PSMB7: variants seen among roughly 807,000 people sequenced by gnomAD.
PSMB7 encodes the protein proteasome subunit beta type-7.
A neutral mutation model predicts 28.1 loss-of-function variants in PSMB7; 5 were observed. That is an observed-to-expected ratio of 0.18 (90% CI 0.09 to 0.37). PSMB7 has a LOEUF of 0.37. Among genes scored for constraint, PSMB7 ranks in the 10% least tolerant of loss-of-function variants. The pLI is 1.00. For synonymous variants in PSMB7, 122 were observed against 123.7 expected, an observed-to-expected ratio of 0.99 and a Z score of 0.09; for missense variants, 275 against 346.2, an observed-to-expected ratio of 0.79 and a Z score of 1.63.
chr9:124,373,576 T>C (rs932552153), intron 6 of PSMB7, among the ~76,000 whole-genome samples: 3 of 152,184 alleles, frequency 2.0e-5, no homozygotes, highest in African/African-American at 7.2e-5. Flanking sequence ...ATCCAGTGTA[T>C]AAAGGAAGCA....
chr9:124,374,517 T>C (rs1830590339), intron 6 of PSMB7, among the ~76,000 whole-genome samples: 1 of 152,210 alleles, frequency 6.6e-6, no homozygotes, highest in Non-Finnish European at 1.5e-5. Flanking sequence ...ACTCACACTT[T>C]AATATTAATT....
At chr9:124,354,095 G>T (rs1297968459) in intron 7 of PSMB7, among the ~76,000 whole-genome samples, 1 of 152,200 alleles carries the variant, frequency 6.6e-6, no homozygotes, top group Non-Finnish European at 1.5e-5. Context: ...GGGCATGATT[G>T]CTCTTCCGTG....
chr9:124,362,609 G>A (rs1374784507), intron 6 of PSMB7, among the ~76,000 whole-genome samples: 1 of 152,092 alleles, frequency 6.6e-6, no homozygotes, highest in Non-Finnish European at 1.5e-5. Flanking sequence ...CTGGCCAAAG[G>A]ATACAACATC....
At chr9:124,414,361 GC>G (rs1046490755) in intron 2 of PSMB7, among the ~76,000 whole-genome samples, 6 of 152,134 alleles carry the variant, frequency 3.9e-5, no homozygotes, top group African/African-American at 1.2e-4. Flanking sequence ...AAAACATGTT[GC>G]TTTTCTTTAA....
At chr9:124,376,129 T>C (rs1164366366) in intron 6 of PSMB7, among the ~76,000 whole-genome samples, 1 of 143,922 alleles carries the variant, frequency 6.9e-6, no homozygotes, top group East Asian at 2.1e-4. Flanking sequence ...CACCTCATTA[T>C]TCAAATATGA....
chr9:124,398,506 C>T lies in PSMB7; in HGVS notation c.511+6811G>A, dbSNP rs1243635722. The T allele has an allele frequency of 2.1e-5, 7 of 331,526 alleles. No individual in the cohort carries two copies. The East Asian group carries it at 7.5e-4, about 35-fold the overall frequency. The allele number at this position is 331,526 out of a possible 1,614,324, so 20.5% of individuals were successfully genotyped here. ...GGAAAGAAACAAAAAGTAAAAATCA[C>T]GTTGTTTTTGGGTAGTAAAATTGTG... On this transcript the variant is annotated intron_variant, in intron 5 of 7. Coordinates refer to ENST00000259457, the MANE Select transcript of PSMB7 (RefSeq NM_002799.4).
intron 4 of PSMB7, among the ~76,000 whole-genome samples, chr9:124,410,770 G>A (rs73666887): frequency 0.015 from 2,354 of 152,138 alleles, 67 homozygotes; most frequent in African/African-American, 0.053. Context: ...ATACACTACT[G>A]AAAACCCACA....
chr9:124,353,730 G>T lies in PSMB7; in HGVS notation c.723-21C>A, dbSNP rs947996392. The T allele has an allele frequency of 7.1e-6, 11 of 1,557,408 alleles. No individual in the cohort carries two copies. The African/African-American group carries it at 1.5e-4, about 21-fold the overall frequency. On this transcript the variant is annotated intron_variant, in intron 7 of 7. Transcript: ENST00000259457. Reference sequence around the variant, plus strand: ...CAAGCCTAGTAAGAGAAAAACAAAAGCACAGAGTTAGGATTCTCCTCAAGG... The same window carrying T: ...CAAGCCTAGTAAGAGAAAAACAAAATCACAGAGTTAGGATTCTCCTCAAGG...
chr9:124,393,750 T>C (rs970505620), intron 5 of PSMB7, among the ~76,000 whole-genome samples: 2 of 152,240 alleles, frequency 1.3e-5, no homozygotes, highest in Admixed American at 6.5e-5. Flanking sequence ...CAGAAAAGAC[T>C]AACAATCACG....
intron 2 of PSMB7, among the ~76,000 whole-genome samples, chr9:124,414,608 G>GT (rs1444162909): frequency 9.0e-6 from 1 of 111,392 alleles, no homozygotes; most frequent in Non-Finnish European, 1.9e-5. Context: ...TAACTGACCT[G>GT]TTTAAAAAAA....
At chr9:124,406,497 CAAA>C (rs772524538) in intron 4 of PSMB7, among the ~76,000 whole-genome samples, 6 of 50,468 alleles carry the variant, frequency 1.2e-4, no homozygotes, top group Admixed American at 2.2e-4. Context: ...AGAGTTGTCT[CAAA>C]AAAAAAAAAA....
At chr9:124,382,828 G>A (rs534841692) in intron 6 of PSMB7, among the ~76,000 whole-genome samples, 1 of 152,188 alleles carries the variant, frequency 6.6e-6, no homozygotes, top group South Asian at 2.1e-4. Flanking sequence ...CTCTAAATAA[G>A]GTAAAATTAC....
chr9:124,414,621 AAAAAG>A (rs1225254614), intron 2 of PSMB7, among the ~76,000 whole-genome samples: 3 of 151,142 alleles, frequency 2.0e-5, no homozygotes, highest in African/African-American at 7.4e-5. Context: ...TAAAAAAAAA[AAAAAG>A]AAAGAAAGAA....
At chr9:124,384,533 G>T (rs1370447544) in intron 6 of PSMB7, 65 bp downstream of exon 6, 2 of 1,452,232 alleles carry the variant, frequency 1.4e-6, no homozygotes, top group East Asian at 2.3e-5. Context: ...CAATCAATTT[G>T]TAAATGTTCA....
chr9:124,355,975 T>A (rs1412739973), intron 7 of PSMB7, among the ~76,000 whole-genome samples: 1 of 152,180 alleles, frequency 6.6e-6, no homozygotes, highest in Non-Finnish European at 1.5e-5. Context: ...TCCTCGGGGC[T>A]ACCGTGGAGC....
intron 5 of PSMB7, among the ~76,000 whole-genome samples, chr9:124,397,076 A>G (rs558705433): frequency 1.4e-4 from 21 of 152,170 alleles, no homozygotes; most frequent in Non-Finnish European, 2.6e-4. Context: ...AATAAGCCAC[A>G]TGCCATGTAC....
At chr9:124,398,738 A>T (rs1830867013) in intron 5 of PSMB7, among the ~76,000 whole-genome samples, 2 of 152,202 alleles carry the variant, frequency 1.3e-5, no homozygotes, top group Admixed American at 1.3e-4. Context: ...CATCTGTAGG[A>T]TGATAAAATC....
intron 6 of PSMB7, chr9:124,383,900 G>T (rs761989723): frequency 6.6e-6 from 1 of 152,194 alleles, no homozygotes; most frequent in African/African-American, 2.4e-5. Flanking sequence ...ATGGATCCAG[G>T]CATATTCAAC....
intron 5 of PSMB7, 41 bp downstream of exon 5, chr9:124,405,276 A>C: frequency 7.3e-7 from 1 of 1,361,032 alleles, no homozygotes; most frequent in Non-Finnish European, 1.0e-6. Context: ...CATCGTGGTA[A>C]GTAAGAGTAC....
Sources: allele counts gnomAD v4.1 joint callset (sites outside exome capture counted in the v4.1 genomes callset), GRCh38; gene constraint gnomAD v4.1.1; transcripts MANE v1.5; gene names NCBI Gene and HGNC (gene_info 2026-07-23, HGNC 2026-07-21).